PIK3C2G: variants seen among roughly 807,000 people sequenced by gnomAD.
PIK3C2G encodes phosphatidylinositol 3-kinase C2 domain-containing subunit gamma.
A neutral mutation model predicts 181.1 loss-of-function variants in PIK3C2G; 168 were observed. The observed-to-expected ratio is 0.93, with a 90% CI of 0.82 to 1.05. The LOEUF is 1.05. Ranked by LOEUF, PIK3C2G falls within the 50% of genes least tolerant of loss-of-function variation. The pLI is 0.00. For synonymous variants in PIK3C2G, 573 were observed against 592.2 expected, an observed-to-expected ratio of 0.97 and a Z score of 0.47; for missense variants, 1,869 against 1,732.8, an observed-to-expected ratio of 1.08 and a Z score of -1.40.
chr12:18,312,270 AG>A (rs1407517508), intron 5 of PIK3C2G, among the ~76,000 whole-genome samples: 22 of 152,230 alleles, frequency 1.4e-4, no homozygotes, highest in African/African-American at 5.3e-4. Context: ...AATTCTAGGA[AG>A]AAGTATACAC....
chr12:18,307,648 T>C (rs1405314265), intron 5 of PIK3C2G, among the ~76,000 whole-genome samples: 3 of 151,956 alleles, frequency 2.0e-5, no homozygotes, highest in African/African-American at 7.2e-5. Context: ...TTTCTCTTGG[T>C]ATGGTAACCT....
intron 5 of PIK3C2G, among the ~76,000 whole-genome samples, chr12:18,307,539 C>T (rs1430962516): frequency 2.0e-5 from 3 of 151,814 alleles, no homozygotes; most frequent in Non-Finnish European, 4.4e-5. Flanking sequence ...AATTCCTGTG[C>T]TCATGTTATA....
chr12:18,381,785 A>T lies in PIK3C2G; in HGVS notation c.1900A>T (p.Met634Leu), dbSNP rs76409730. 287 of 1,611,926 alleles carry T rather than the reference A, an allele frequency of 1.8e-4. No homozygotes were observed. The African/African-American group carries it at 3.5e-3, about 20-fold the overall frequency. ...FPKEKSILGS[M>L]LFSMTLQSEP... Reference sequence around the variant, plus strand: ...TTGCAGAAAATCCATTCTCGGGTCTATGCTGTTCAGCATGACATTACAGAG... The same window carrying T: ...TTGCAGAAAATCCATTCTCGGGTCTTTGCTGTTCAGCATGACATTACAGAG... The change falls in exon 14 of 33, where the codon ATG becomes TTG. Residue 634 changes from methionine (M) to leucine (L), a missense_variant. By Grantham distance (15) the Met-to-Leu change is conservative. Transcript: ENST00000538779.
At chr12:18,278,149 A>C (rs1379261247) in intron 1 of PIK3C2G, among the ~76,000 whole-genome samples, 1 of 152,182 alleles carries the variant, frequency 6.6e-6, no homozygotes, top group East Asian at 1.9e-4. Flanking sequence ...TTGTTGCTTA[A>C]AGCAATACAT....
intron 24 of PIK3C2G, among the ~76,000 whole-genome samples, chr12:18,519,092 G>A (rs1942743515): frequency 6.6e-6 from 1 of 152,204 alleles, no homozygotes; most frequent in Admixed American, 6.5e-5. Context: ...ACTGTGGTCT[G>A]AGAGATCGTG....
rs142257064 is a variant in PIK3C2G, at chr12:18,623,406, T to C, written c.4182+13777T>C. 5.3e-5 allele frequency among the ~76,000 whole-genome samples: 8 copies of C among 151,994 alleles called. No homozygotes were observed. The East Asian group carries it at 1.5e-3, about 29-fold the overall frequency. The stretch of plus-strand genomic sequence containing the variant: ...GTTCCATTGGGTTGATATATTTATT[T>C]GTACGCCAGTACTAGCTGTTTAATT... On this transcript the variant is annotated intron_variant, in intron 31 of 32. Coordinates refer to ENST00000538779, the MANE Select transcript of PIK3C2G (RefSeq NM_001288772.2).
At chr12:18,702,818 CTT>C in the PIK3C2G span, among the ~76,000 whole-genome samples, 8 of 116,594 alleles carry the variant, frequency 6.9e-5, no homozygotes, top group African/African-American at 2.7e-4. Context: ...GATAAAGTAA[CTT>C]TTTTTTTTTT....
intron 22 of PIK3C2G, among the ~76,000 whole-genome samples, chr12:18,499,175 G>T (rs118032734): frequency 6.6e-6 from 1 of 152,118 alleles, no homozygotes; most frequent in South Asian, 2.1e-4. Context: ...TGTAGATGTC[G>T]CAAGACAAAA....
rs1206682126 is a variant in PIK3C2G, at chr12:18,594,511, C to CT, written c.4034dup (p.Leu1346ProfsTer3). 6.4e-7 allele frequency: 1 copy of CT among 1,553,622 alleles called. No homozygotes were observed. Among genetic ancestry groups the CT allele is most frequent in the Non-Finnish European group, 8.7e-7 (1 of 1,155,874 alleles). On this transcript the variant is annotated frameshift_variant, in exon 30 of 33. Transcript: ENST00000538779. LOFTEE classifies it high-confidence loss of function. ...TTTTTCAGAGTGATTGTGTACTTAG[C>CT]TTTTTCCTCTCTGAGGCTGTGCAAC... is the stretch of plus-strand genomic sequence containing the variant.
chr12:18,688,052 T>A, the PIK3C2G span: 29 of 1,604,128 alleles, frequency 1.8e-5, no homozygotes, highest in Admixed American at 1.8e-4. Context: ...CAACAAGAAG[T>A]CTAATGGAAA....
At chr12:18,627,207 A>C (rs996921187) in intron 31 of PIK3C2G, among the ~76,000 whole-genome samples, 1 of 151,686 alleles carries the variant, frequency 6.6e-6, no homozygotes, top group Non-Finnish European at 1.5e-5. Context: ...CTTCTTCTCT[A>C]TGATTTATTT....
chr12:18,298,142 A>C (rs536875088), intron 5 of PIK3C2G, among the ~76,000 whole-genome samples: 1 of 152,118 alleles, frequency 6.6e-6, no homozygotes, highest in South Asian at 2.1e-4. Flanking sequence ...CATTCTCTCC[A>C]ACAGTGTATA....
downstream of PIK3C2G, chr12:18,648,469 A>G (rs1382479719): frequency 5.4e-6 from 1 of 185,676 alleles, no homozygotes; most frequent in Non-Finnish European, 1.1e-5. Flanking sequence ...ATATACTTAT[A>G]CCTACTCATA....
intron 31 of PIK3C2G, among the ~76,000 whole-genome samples, chr12:18,616,530 C>A (rs549140717): frequency 2.4e-4 from 36 of 152,172 alleles, no homozygotes; most frequent in African/African-American, 8.4e-4. Context: ...AAAGTGAATT[C>A]TTGTTGAAGG....
upstream of PIK3C2G, among the ~76,000 whole-genome samples, chr12:18,243,115 TATTTG>T (rs1948001976): frequency 6.6e-6 from 1 of 152,094 alleles, no homozygotes; most frequent in Non-Finnish European, 1.5e-5. Flanking sequence ...ACATCAAGAT[TATTTG>T]ATTTATGTAA....
chr12:18,435,344 G>A (rs761317268), intron 18 of PIK3C2G, among the ~76,000 whole-genome samples: 3 of 151,784 alleles, frequency 2.0e-5, no homozygotes, highest in East Asian at 3.9e-4. Flanking sequence ...TATCACTACC[G>A]CTTCCAGGCT....
At chr12:18,648,594 T>C (rs920220342), downstream of PIK3C2G, among the ~76,000 whole-genome samples, 1 of 152,124 alleles carries the variant, frequency 6.6e-6, no homozygotes, top group Admixed American at 6.6e-5. Flanking sequence ...AGAAACTTCT[T>C]TGTAGTTTTT....
At chr12:18,437,894 G>T (rs1379008800) in intron 18 of PIK3C2G, among the ~76,000 whole-genome samples, 2 of 151,866 alleles carry the variant, frequency 1.3e-5, no homozygotes, top group Non-Finnish European at 2.9e-5. Flanking sequence ...ATTGAGGAAA[G>T]AGAGTTTTAT....
intron 11 of PIK3C2G, among the ~76,000 whole-genome samples, chr12:18,360,851 C>T (rs1941173371): frequency 6.6e-6 from 1 of 152,120 alleles, no homozygotes; most frequent in African/African-American, 2.4e-5. Flanking sequence ...GTGGGGTCTT[C>T]TTGGGCTTCT....
Sources: allele counts gnomAD v4.1 joint callset (sites outside exome capture counted in the v4.1 genomes callset), GRCh38; gene constraint gnomAD v4.1.1; transcripts MANE v1.5; gene names NCBI Gene and HGNC (gene_info 2026-07-23, HGNC 2026-07-21).